Variants in TSPEAR observed in about 807,000 individuals in gnomAD.
TSPEAR encodes the protein thrombospondin type laminin G domain and EAR repeats, also known as thrombospondin-type laminin G domain and EAR repeat-containing protein.
A neutral mutation model predicts 71.6 loss-of-function variants in TSPEAR; 69 were observed. The ratio of observed to expected loss-of-function variants is 0.96; its 90% confidence interval spans 0.79 to 1.18. The LOEUF is 1.18. Among genes scored for constraint, TSPEAR ranks in the 50% most tolerant of loss-of-function variants. The pLI is 0.00. For synonymous variants in TSPEAR, 402 were observed against 387.2 expected, an observed-to-expected ratio of 1.04 and a Z score of -0.45; for missense variants, 971 against 894.9, an observed-to-expected ratio of 1.09 and a Z score of -1.09.
chr21:44,677,324 G>A lies in TSPEAR; in HGVS notation c.82+34109C>T, dbSNP rs1189381312. On this transcript the variant is annotated intron_variant, in intron 1 of 11. Coordinates refer to ENST00000323084, the MANE Select transcript of TSPEAR (RefSeq NM_144991.3). The stretch of plus-strand genomic sequence containing the variant: ...TGTGCCACTTAGCAGACTTCTTCTT[G>A]CCCTCAATCTCAGAATTGTCCATGG... 7 of 1,165,862 alleles carry A rather than the reference G, an allele frequency of 6.0e-6. No homozygotes were observed. The African/African-American group carries it at 9.1e-5, about 15-fold the overall frequency. The allele number at this position is 1,165,862 out of a possible 1,614,324, so 72.2% of individuals were successfully genotyped here.
chr21:44,654,297 C>G, intron 1 of TSPEAR: 2 of 1,613,762 alleles, frequency 1.2e-6, no homozygotes, highest in Non-Finnish European at 1.7e-6. Context: ...TGGGGGTGCT[C>G]CAGGTGACAG....
chr21:44,570,756 A>C (rs185487316), intron 1 of TSPEAR, among the ~76,000 whole-genome samples: 53 of 152,356 alleles, frequency 3.5e-4, no homozygotes, highest in African/African-American at 1.2e-3. Context: ...ATTAAACCCA[A>C]GCTGGTTCTT....
intron 1 of TSPEAR, among the ~76,000 whole-genome samples, chr21:44,618,674 C>T (rs964314749): frequency 6.6e-6 from 1 of 152,132 alleles, no homozygotes; most frequent in African/African-American, 2.4e-5. Context: ...GCAGAGTGGA[C>T]CTTGTTTGTA....
chr21:44,622,990 T>C (rs957187717), intron 1 of TSPEAR, among the ~76,000 whole-genome samples: 6 of 152,164 alleles, frequency 3.9e-5, no homozygotes, highest in Non-Finnish European at 8.8e-5. Context: ...TTTCTCTTGC[T>C]ACTCTTTTGC....
intron 1 of TSPEAR, chr21:44,677,835 T>A: frequency 7.7e-7 from 1 of 1,306,344 alleles, no homozygotes; most frequent in South Asian, 1.2e-5. Context: ...CTCGAAGAGT[T>A]TGTCTGAGTA....
chr21:44,579,639 G>A, intron 1 of TSPEAR: 1 of 1,206,438 alleles, frequency 8.3e-7, no homozygotes, highest in South Asian at 1.5e-5. Flanking sequence ...GTATGGAGGG[G>A]GGGGTCACCT....
chr21:44,650,907 C>T (rs1320971646), intron 1 of TSPEAR, among the ~76,000 whole-genome samples: 1 of 152,214 alleles, frequency 6.6e-6, no homozygotes, highest in Non-Finnish European at 1.5e-5. Context: ...GGCTCTGACA[C>T]ACCCAAGAAG....
chr21:44,521,455 G>A (rs1342983506), intron 9 of TSPEAR, among the ~76,000 whole-genome samples: 1 of 152,200 alleles, frequency 6.6e-6, no homozygotes, highest in Non-Finnish European at 1.5e-5. Flanking sequence ...CGGCCCCCAC[G>A]CTGCCCTGGG....
In TSPEAR at chr21:44,642,317, T is replaced by C. The variant is rs929339551; in HGVS notation, c.82+69116A>G. ...CATCAGCCTTCAATACAAAGACTTT[T>C]CTGTGATACTTGAAATATTCCAGAG... On this transcript the variant is annotated intron_variant, in intron 1 of 11. Coordinates refer to ENST00000323084, the MANE Select transcript of TSPEAR (RefSeq NM_144991.3). This position sits in a 1 kb window ranked among gnomAD's most constrained non-coding sequence, Gnocchi z 4.1. Among the ~76,000 whole-genome samples the C allele has an allele frequency of 3.9e-5, 6 of 152,224 alleles. No homozygotes were observed. The highest frequency in any genetic ancestry group is 1.4e-4 in the African/African-American group (6 of 41,452).
At chr21:44,508,602 G>A (rs1317970506) in intron 10 of TSPEAR, 4 of 1,180,842 alleles carry the variant, frequency 3.4e-6, no homozygotes, top group Middle Eastern at 3.9e-4. Flanking sequence ...AGTGCCCACT[G>A]TCCAAAATGT....
intron 9 of TSPEAR, among the ~76,000 whole-genome samples, chr21:44,512,347 T>C (rs587637152): frequency 4.0e-5 from 2 of 49,652 alleles, no homozygotes; most frequent in African/African-American, 1.7e-4. Flanking sequence ...GGGGGTGGGG[T>C]GGGGTGGGTG....
At chr21:44,626,756 G>A (rs1330364377) in intron 1 of TSPEAR, among the ~76,000 whole-genome samples, 4 of 152,120 alleles carry the variant, frequency 2.6e-5, no homozygotes, top group Admixed American at 6.5e-5. Flanking sequence ...CCCGTGTCCT[G>A]AGGCTGCTGG....
chr21:44,698,963 G>A (rs78169880), intron 1 of TSPEAR, among the ~76,000 whole-genome samples: 16,509 of 152,234 alleles, frequency 0.11, 920 homozygotes, highest in South Asian at 0.15. Flanking sequence ...CATTTTGGGA[G>A]ACTGAGGCAG....
At chr21:44,527,589 C>T (rs782799477) in intron 6 of TSPEAR, 71 bp from the exon 7 acceptor site, 57 of 1,485,826 alleles carry the variant, frequency 3.8e-5, no homozygotes, top group Middle Eastern at 1.9e-4. Context: ...CTCGCGGGAG[C>T]GCGATTCCCA....
At chr21:44,604,066 C>T (rs1027908019) in intron 1 of TSPEAR, among the ~76,000 whole-genome samples, 13 of 152,164 alleles carry the variant, frequency 8.5e-5, no homozygotes, top group African/African-American at 2.7e-4. Context: ...ATTGGTTAAA[C>T]GTGCATGGAG....
intron 3 of TSPEAR, among the ~76,000 whole-genome samples, chr21:44,532,764 C>T (rs1555915891): frequency 6.6e-6 from 1 of 152,226 alleles, no homozygotes; most frequent in African/African-American, 2.4e-5. Flanking sequence ...GGACTCCTGT[C>T]CAGGGGACCT....
chr21:44,511,370 A>G (rs966273007), intron 9 of TSPEAR, among the ~76,000 whole-genome samples: 2 of 152,150 alleles, frequency 1.3e-5, no homozygotes, highest in African/African-American at 4.8e-5. Flanking sequence ...GTACACACAC[A>G]CATATATGCT....
intron 1 of TSPEAR, among the ~76,000 whole-genome samples, chr21:44,708,198 G>A (rs1388548044): frequency 1.3e-5 from 2 of 152,074 alleles, no homozygotes; most frequent in Admixed American, 6.5e-5. Flanking sequence ...CCCCCAGCAG[G>A]GGGGACTGCA....
intron 1 of TSPEAR, chr21:44,658,282 T>C: frequency 1.2e-6 from 2 of 1,612,232 alleles, no homozygotes; most frequent in Non-Finnish European, 1.7e-6. Context: ...CAGCTGCTCC[T>C]GGTACACGGG....
Sources: gnomAD v4.1 joint callset for allele counts (sites outside exome capture counted in the v4.1 genomes callset) on GRCh38, gnomAD v4.1.1 for gene constraint, Gnocchi (gnomAD v3.1) non-coding constraint, MANE v1.5 for transcripts, NCBI Gene and HGNC (gene_info 2026-07-23, HGNC 2026-07-21) for gene names.